ZSCAN12: variants seen among roughly 807,000 people sequenced by gnomAD.
ZSCAN12 encodes the protein zinc finger and SCAN domain-containing protein 12.
A neutral mutation model predicts 23.4 loss-of-function variants in ZSCAN12; 18 were observed. That is an observed-to-expected ratio of 0.77 (90% CI 0.53 to 1.14). ZSCAN12 has a LOEUF of 1.14. Ranked by LOEUF, ZSCAN12 falls within the 50% of genes most tolerant of loss-of-function variation. ZSCAN12 has a pLI of 0.00. For synonymous variants in ZSCAN12, 186 were observed against 253.4 expected (o/e 0.73, Z 2.53); for missense variants, 650 against 735.0 (o/e 0.88, Z 1.34).
In ZSCAN12 at chr6:28,390,459, C is replaced by T. The variant is rs1448047052; in HGVS notation, c.1831G>A (p.Val611Met). 1 of 1,536,506 alleles carries T rather than the reference C, an allele frequency of 6.5e-7. No individual in the cohort carries two copies. Among genetic ancestry groups the T allele is most frequent in the South Asian group, 1.2e-5 (1 of 80,224 alleles). ...AGATAACTTCCCTGTAGTCATCACA[C>T]AGAAACAGATTTTTCTCCTTTGTGG... is the stretch of plus-strand genomic sequence containing the variant. ...TIHKGEKSVS[V>M] Residue 611 changes from valine (V) to methionine (M), a missense_variant, in exon 4 of 4, where the codon GTG becomes ATG. Val to Met is a conservative substitution (Grantham distance 21). Coordinates refer to ENST00000684592, the MANE Select transcript of ZSCAN12 (RefSeq NM_001163391.2).
intron 2 of ZSCAN12, 30 bp downstream of exon 2, chr6:28,397,974 C>T: frequency 1.3e-6 from 2 of 1,525,432 alleles, no homozygotes; most frequent in South Asian, 1.3e-5. Flanking sequence ...TTTATGTTTT[C>T]TCAAGCAGAA....
In ZSCAN12 at chr6:28,389,297, G is replaced by T. The variant is rs1388365968; in HGVS notation, c.*1157C>A. Among the ~76,000 whole-genome samples the T allele has an allele frequency of 1.3e-5, 2 of 152,120 alleles. No individual in the cohort carries two copies. Among genetic ancestry groups the T allele is most frequent in the Non-Finnish European group, 2.9e-5 (2 of 68,022 alleles). ...TTTCTTTGAATACTTAAATCTGAAG[G>T]GATGGAAAGACCACCTAAAAATCCT... On this transcript the variant is annotated 3_prime_UTR_variant, in exon 4 of 4. Coordinates refer to ENST00000684592, the MANE Select transcript of ZSCAN12 (RefSeq NM_001163391.2).
downstream of ZSCAN12, chr6:28,380,408 C>G (rs757055010): frequency 6.6e-6 from 1 of 152,236 alleles, no homozygotes; most frequent in Non-Finnish European, 1.5e-5. Context: ...CTCTGGTGCA[C>G]AGTCAGTCCT....
chr6:28,393,472 T>C (rs949512723), intron 2 of ZSCAN12, among the ~76,000 whole-genome samples: 4 of 111,864 alleles, frequency 3.6e-5, no homozygotes, highest in Non-Finnish European at 8.0e-5. Context: ...AGAGAAATGA[T>C]AAAAAAAAAA....
rs1561965737 is a variant in ZSCAN12, at chr6:28,398,437, G to A, written c.-32C>T. On this transcript the variant is annotated 5_prime_UTR_variant, in exon 2 of 4. Transcript: ENST00000684592. The stretch of plus-strand genomic sequence containing the variant: ...TGTGCTAGAACTACCGGTGTTTCAA[G>A]TAAGATCTCACCTGGAAACTGTATT... 6.7e-7 allele frequency: 1 copy of A among 1,503,080 alleles called. No homozygotes were observed. 93.1% of individuals were successfully genotyped at this position (1,503,080 alleles called of 1,614,324 possible).
downstream of ZSCAN12, among the ~76,000 whole-genome samples, chr6:28,383,343 G>A (rs867821849): frequency 4.2e-4 from 64 of 152,288 alleles, no homozygotes; most frequent in Middle Eastern, 0.01. Flanking sequence ...GACACTGAAA[G>A]GCCGGAGCGC....
In ZSCAN12 at chr6:28,398,063, C is replaced by G; in HGVS notation, c.343G>C (p.Glu115Gln). 6.2e-7 allele frequency: 1 copy of G among 1,613,302 alleles called. No homozygotes were observed. Among genetic ancestry groups the G allele is most frequent in the Non-Finnish European group, 8.5e-7 (1 of 1,179,516 alleles). ...TCCTCCAGCACAGTCACCACCTCCTCCCCACTCTCTGGATGCTGCTCCTGC... is the reference window on the plus strand; with the variant it reads ...TCCTCCAGCACAGTCACCACCTCCTGCCCACTCTCTGGATGCTGCTCCTGC... ...WVQEQHPESG[E>Q]EVVTVLEDLE... Residue 115 changes from glutamate (E) to glutamine (Q), a missense_variant, in exon 2 of 4, where the codon GAG (glutamate) becomes CAG (glutamine). Coordinates refer to ENST00000684592, the MANE Select transcript of ZSCAN12 (RefSeq NM_001163391.2).
At chr6:28,379,857 A>C (rs1760142418), downstream of ZSCAN12, 1 of 152,180 alleles carries the variant, frequency 6.6e-6, no homozygotes, top group Non-Finnish European at 1.5e-5. Context: ...GTAGACGATA[A>C]TACTATTGTG....
downstream of ZSCAN12, chr6:28,380,098 G>A (rs1369475715): frequency 1.3e-5 from 2 of 152,110 alleles, no homozygotes; most frequent in Non-Finnish European, 2.9e-5. Context: ...GTTTTTACTG[G>A]CTAAAATGAG....
intron 2 of ZSCAN12, among the ~76,000 whole-genome samples, chr6:28,394,211 C>T (rs1055136012): frequency 1.3e-5 from 2 of 152,192 alleles, no homozygotes; most frequent in Admixed American, 1.3e-4. Context: ...TTTGGAATCA[C>T]ATGGATTACT....
Position 28,389,042 on chromosome 6 carries a change from T to A in ZSCAN12, c.*1412A>T, listed in dbSNP as rs1760683365. On this transcript the variant is annotated 3_prime_UTR_variant, in exon 4 of 4. Transcript: ENST00000684592. ...TTTTTCAGAAGCCCAAGGGATAGTA[T>A]CTCTAATTTGGGGTCCTTTTATGTG... Among the ~76,000 whole-genome samples the A allele has an allele frequency of 2.6e-5, 4 of 152,174 alleles. No individual in the cohort carries two copies. The South Asian group carries it at 8.3e-4, about 32-fold the overall frequency.
In ZSCAN12 at chr6:28,390,755, A is replaced by G. The variant is rs1178587948; in HGVS notation, c.1535T>C (p.Leu512Pro). ...CGKAFTQRSV[L>P]TEHQRIHTGE... ...AGTGTGGATTCTCTGATGTTCCGTG[A>G]GGACTGATCTTTGAGTAAACGCCTT... The change falls in exon 4 of 4, where the codon CTC (leucine) becomes CCC (proline). Residue 512 changes from leucine (L) to proline (P), a missense_variant. Physicochemically the swap from Leu to Pro is moderately conservative, Grantham distance 98. Coordinates refer to ENST00000684592, the MANE Select transcript of ZSCAN12 (RefSeq NM_001163391.2). 1 of 1,609,854 alleles carries G rather than the reference A, an allele frequency of 6.2e-7. No individual in the cohort carries two copies. Among genetic ancestry groups the G allele is most frequent in the East Asian group, 2.2e-5 (1 of 44,750 alleles).
At chr6:28,383,019 C>A (rs1760350291), downstream of ZSCAN12, among the ~76,000 whole-genome samples, 1 of 151,660 alleles carries the variant, frequency 6.6e-6, no homozygotes, top group African/African-American at 2.4e-5. Context: ...TAAAATGCAC[C>A]ATGCATGCAG....
At chr6:28,382,687 AGGC>A (rs1760321109), downstream of ZSCAN12, 1 of 1,478,598 alleles carries the variant, frequency 6.8e-7, no homozygotes, top group African/African-American at 1.4e-5. Flanking sequence ...TATCTGAACA[AGGC>A]ACTGAAAGAA....
chr6:28,390,878 C>G lies in ZSCAN12; in HGVS notation c.1412G>C (p.Cys471Ser). 6.4e-7 allele frequency: 1 copy of G among 1,573,936 alleles called. No individual in the cohort carries two copies. The highest frequency in any genetic ancestry group is 8.6e-7 in the Non-Finnish European group (1 of 1,159,136). ...AATAAAGGCTTTTTCACATACGTCA[C>G]ATTTGTAGGGTTTTTCCCCAGTGTG... is the stretch of plus-strand genomic sequence containing the variant. ...RIHTGEKPYK[C>S]DVCEKAFIQR... Residue 471 changes from cysteine (C) to serine (S), a missense_variant, in exon 4 of 4, where the codon TGT (cysteine) becomes TCT (serine). Cys to Ser is a moderately radical substitution (Grantham distance 112). Coordinates refer to ENST00000684592, the MANE Select transcript of ZSCAN12 (RefSeq NM_001163391.2).
In ZSCAN12 at chr6:28,391,113, T is replaced by A; in HGVS notation, c.1177A>T (p.Lys393Ter). The change falls in exon 4 of 4, where the codon AAA becomes TAA. Residue 393 changes from lysine to a stop codon, truncating the protein, a stop_gained. Transcript: ENST00000684592. LOFTEE classifies it low-confidence loss of function (END_TRUNC). The surrounding 1 kb of genome is among the most constrained non-coding windows in gnomAD (Gnocchi z 4.1). ...AGTATGGAACGCCGACTAAAACTTT[T>A]ATTACACTGAGTGCACTGATAAGGT... ...DKPYQCTQCN[K>*]SFSRRSILTQ... 1.3e-6 allele frequency: 2 copies of A among 1,552,312 alleles called. No homozygotes were observed. The highest frequency in any genetic ancestry group is 1.7e-6 in the Non-Finnish European group (2 of 1,147,142).
At chr6:28,383,238 T>C, downstream of ZSCAN12, among the ~76,000 whole-genome samples, 1 of 152,326 alleles carries the variant, frequency 6.6e-6, no homozygotes, top group South Asian at 2.1e-4. Flanking sequence ...AGACTCCTTT[T>C]TCTCAACAGC....
rs1581768459 is a variant in ZSCAN12 at position 28,387,709 on chromosome 6, A to G, written c.*2745T>C. 6.6e-6 allele frequency among the ~76,000 whole-genome samples: 1 copy of G among 152,252 alleles called. No homozygotes were observed. Among genetic ancestry groups the G allele is most frequent in the African/African-American group, 2.4e-5 (1 of 41,466 alleles). On this transcript the variant is annotated 3_prime_UTR_variant, in exon 4 of 4. Transcript: ENST00000684592. ...TAACTCTGGGATTAAAGAAGTATGTATAACAATTATGTTTTGTTGAAGATT... is the reference window on the plus strand; with the variant it reads ...TAACTCTGGGATTAAAGAAGTATGTGTAACAATTATGTTTTGTTGAAGATT...
intron 1 of ZSCAN12, among the ~76,000 whole-genome samples, chr6:28,398,886 T>C (rs895785072): frequency 7.0e-6 from 1 of 142,622 alleles, no homozygotes; most frequent in African/African-American, 2.7e-5. Context: ...TGAGCCGAGA[T>C]CGCGCCACTG....
Sources: allele counts gnomAD v4.1 joint callset (sites outside exome capture counted in the v4.1 genomes callset), GRCh38; gene constraint gnomAD v4.1.1; non-coding constraint Gnocchi (gnomAD v3.1); transcripts MANE v1.5; gene names NCBI Gene and HGNC (gene_info 2026-07-23, HGNC 2026-07-21).